Variants in TAC1 observed in about 807,000 individuals in gnomAD.
TAC1 encodes the protein protachykinin-1.
In TAC1, 12 loss-of-function variants were observed where a neutral mutation model predicts 21.7. That is an observed-to-expected ratio of 0.55 (90% CI 0.35 to 0.89). The LOEUF (loss-of-function observed/expected upper bound fraction) is 0.89, where lower values mean the gene tolerates loss of function less well. TAC1 is among the 40% of genes least tolerant of loss of function. The pLI is 0.01. For missense variants in TAC1, 128 were observed against 151.4 expected (o/e 0.85, Z 0.81); for synonymous variants, 52 against 52.0 (o/e 1.00, Z 0.00).
intron 5 of TAC1, 71 bp downstream of exon 5, chr7:97,734,920 C>G: frequency 1.6e-6 from 2 of 1,253,708 alleles, no homozygotes; most frequent in East Asian, 2.5e-5. Flanking sequence ...CTTTATTTAT[C>G]TTACCTTATT....
chr7:97,737,505 A>G (rs1398175460), intron 6 of TAC1, among the ~76,000 whole-genome samples: 2 of 151,994 alleles, frequency 1.3e-5, no homozygotes, highest in East Asian at 1.9e-4. Context: ...AATAGAAAAA[A>G]AAAGTTAACA....
chr7:97,737,336 A>C (rs1021918128), intron 6 of TAC1, among the ~76,000 whole-genome samples: 3 of 151,918 alleles, frequency 2.0e-5, no homozygotes, highest in African/African-American at 7.2e-5. Flanking sequence ...GTTTCTAGAC[A>C]ATCTATAAGA....
intron 6 of TAC1, 92 bp downstream of exon 6, chr7:97,736,444 G>A: frequency 1.6e-6 from 2 of 1,221,958 alleles, no homozygotes; most frequent in Non-Finnish European, 2.4e-6. Context: ...AAAAGGAGTG[G>A]TAGATATAAA....
In TAC1 at chr7:97,736,865, G is replaced by A. The variant is rs552603569; in HGVS notation, c.343+513G>A. Among the ~76,000 whole-genome samples, 12 of 152,160 alleles carry A rather than the reference G, an allele frequency of 7.9e-5. No individual in the cohort carries two copies. In the South Asian group the frequency reaches 2.3e-3, roughly 29 times the overall value. On this transcript the variant is annotated intron_variant, in intron 6 of 6. Transcript: ENST00000319273. ...AATTCAAAATCTAAACATCCTGATGGATGTTGGAGAGGACAAAAGTGATAC... is the reference window on the plus strand; with the variant it reads ...AATTCAAAATCTAAACATCCTGATGAATGTTGGAGAGGACAAAAGTGATAC...
At chr7:97,734,130 G>T in intron 3 of TAC1, 118 bp from the exon 4 acceptor site, 1 of 1,027,926 alleles carries the variant, frequency 9.7e-7, no homozygotes, top group Non-Finnish European at 1.5e-6. Context: ...TGTGGAAGAG[G>T]ATTTTATAGC....
At chr7:97,735,307 G>T (rs547651430) in intron 5 of TAC1, among the ~76,000 whole-genome samples, 1 of 152,248 alleles carries the variant, frequency 6.6e-6, no homozygotes, top group African/African-American at 2.4e-5. Context: ...CAATTAAATG[G>T]AATGAGTGAG....
rs1298531474 is a variant in TAC1, at chr7:97,734,484, TCA to T, written c.265+193_265+194del. Among the ~76,000 whole-genome samples, 3 of 151,758 alleles carry T rather than the reference TCA, an allele frequency of 2.0e-5. No homozygotes were observed. In the East Asian group the frequency reaches 5.8e-4, roughly 29 times the overall value. ...GTCTCTCTCTCTCTGTCACTCTCTC[TCA>T]GTCTCTCTCTCTCTCTTTCTCTCTC... On this transcript the variant is annotated intron_variant, in intron 4 of 6. Coordinates refer to ENST00000319273, the MANE Select transcript of TAC1 (RefSeq NM_003182.3).
Position 97,740,243 on chromosome 7 carries a change from G to A in TAC1, c.*323G>A, listed in dbSNP as rs181880517. The A allele has an allele frequency of 1.2e-3, 219 of 180,326 alleles. 2 individuals are homozygous for A. Among genetic ancestry groups the A allele is most frequent in the African/African-American group, 4.7e-3 (201 of 42,734 alleles). 11.2% of individuals were successfully genotyped at this position (180,326 alleles called of 1,614,324 possible). On this transcript the variant is annotated 3_prime_UTR_variant, in exon 7 of 7. Transcript: ENST00000319273. Reference sequence around the variant, plus strand: ...TTGAAGCAGTTGTGTCAGCTACTGCGGAAAAGGAAGGAAACTCCTGACAGT... The same window carrying A: ...TTGAAGCAGTTGTGTCAGCTACTGCAGAAAAGGAAGGAAACTCCTGACAGT...
intron 4 of TAC1, 23 bp downstream of exon 4, chr7:97,734,315 A>C: frequency 6.2e-7 from 1 of 1,600,950 alleles, no homozygotes; most frequent in Non-Finnish European, 8.6e-7. Context: ...ATAAATCTTT[A>C]TTTTACTATT....
In TAC1 at chr7:97,732,216, G is replaced by A. The variant is rs1789451163; in HGVS notation, c.-10+21G>A. 2 of 161,242 alleles carry A rather than the reference G, an allele frequency of 1.2e-5. No individual in the cohort carries two copies. The highest frequency in any genetic ancestry group is 1.2e-4 in the Admixed American group (2 of 16,374). The allele number at this position is 161,242 out of a possible 1,614,324, so 10.0% of individuals were successfully genotyped here. A position where few individuals can be genotyped will look rare whatever the true frequency, so the allele number is the denominator to read the frequency against. On this transcript the variant is annotated intron_variant, in intron 1 of 6. Coordinates refer to ENST00000319273, the MANE Select transcript of TAC1 (RefSeq NM_003182.3). This position sits in a 1 kb window ranked among gnomAD's most constrained non-coding sequence, Gnocchi z 6.2. ...TCGCAGTAAGTGCCCGCGCGGTGCT[G>A]GCCGCGGCTGCCCGGGTCACCCCGC...
In TAC1 at chr7:97,738,931, CT is replaced by C. The variant is rs200968331; in HGVS notation, c.344-939del. On this transcript the variant is annotated intron_variant, in intron 6 of 6. Coordinates refer to ENST00000319273, the MANE Select transcript of TAC1 (RefSeq NM_003182.3). ...TAAGGATGAAAAATATCCCAAAATA[CT>C]TTTATTGCAACAGTCTGATTTTTAC... 3.7e-3 allele frequency among the ~76,000 whole-genome samples: 556 copies of C among 151,480 alleles called. 3 individuals are homozygous for C. The highest frequency in any genetic ancestry group is 0.03 in the South Asian group (146 of 4,810).
At chr7:97,733,635 C>G in intron 2 of TAC1, 88 bp from the exon 3 acceptor site, 1 of 1,336,266 alleles carries the variant, frequency 7.5e-7, no homozygotes, top group Non-Finnish European at 1.1e-6. Context: ...GCCTCGGGGC[C>G]GGAGTACAGC....
At chr7:97,734,174 T>C (rs1447575154) in intron 3 of TAC1, 74 bp from the exon 4 acceptor site, 1 of 1,432,516 alleles carries the variant, frequency 7.0e-7, no homozygotes, top group Non-Finnish European at 9.8e-7. Flanking sequence ...TGTCTTGGGA[T>C]AGAAATATCG....
intron 6 of TAC1, among the ~76,000 whole-genome samples, chr7:97,737,272 CG>C (rs1352730837): frequency 1.3e-5 from 2 of 151,988 alleles, no homozygotes; most frequent in Admixed American, 1.3e-4. Context: ...ATACTAAATA[CG>C]TTATTAATTA....
chr7:97,734,114 A>C, intron 3 of TAC1, 134 bp from the exon 4 acceptor site: 2 of 867,052 alleles, frequency 2.3e-6, no homozygotes, highest in Non-Finnish European at 3.7e-6. Context: ...GGATGATCCA[A>C]GTGCATGTGG....
Position 97,734,877 on chromosome 7 carries a change from TCAAATTTA to T in TAC1, c.289+29_289+36del, listed in dbSNP as rs750480411. The T allele has an allele frequency of 2.0e-6, 3 of 1,531,716 alleles. No homozygotes were observed. The East Asian group carries it at 6.8e-5, about 35-fold the overall frequency. 94.9% of individuals were successfully genotyped at this position (1,531,716 alleles called of 1,614,324 possible). On this transcript the variant is annotated intron_variant, in intron 5 of 6. Transcript: ENST00000319273. Reference sequence around the variant, plus strand: ...AAGTTCAAAATTATTTTGACATTTATCAAATTTAAATGTAAAATTATATTGAATTTCAC... The same window carrying T: ...AAGTTCAAAATTATTTTGACATTTATAATGTAAAATTATATTGAATTTCAC...
intron 3 of TAC1, chr7:97,734,020 C>T: frequency 2.9e-6 from 2 of 685,252 alleles, no homozygotes; most frequent in East Asian, 2.7e-5. Flanking sequence ...GTTCGCATGC[C>T]TCACTGTATT....
intron 6 of TAC1, among the ~76,000 whole-genome samples, chr7:97,736,727 C>T (rs1339955931): frequency 6.6e-6 from 1 of 151,938 alleles, no homozygotes; most frequent in Non-Finnish European, 1.5e-5. Context: ...CACTTGTTAT[C>T]AAAGTAATTT....
chr7:97,736,404 T>C, intron 6 of TAC1, 52 bp downstream of exon 6: 1 of 1,493,698 alleles, frequency 6.7e-7, no homozygotes, highest in Non-Finnish European at 9.2e-7. Flanking sequence ...TCTATTTCTA[T>C]TTTTTCTAAG....
Sources: allele counts gnomAD v4.1 joint callset (sites outside exome capture counted in the v4.1 genomes callset), GRCh38; gene constraint gnomAD v4.1.1; non-coding constraint Gnocchi (gnomAD v3.1); transcripts MANE v1.5; gene names NCBI Gene and HGNC (gene_info 2026-07-23, HGNC 2026-07-21).